ADGRB3: variants seen among roughly 807,000 people sequenced by gnomAD.
ADGRB3 encodes adhesion G protein-coupled receptor B3.
ADGRB3 carries 37 observed loss-of-function variants against 193.4 expected under a neutral mutation model. The observed-to-expected ratio is 0.19, with a 90% confidence interval of 0.15 to 0.25. The LOEUF (loss-of-function observed/expected upper bound fraction) is 0.25, where lower values mean the gene tolerates loss of function less well. Among genes scored for constraint, ADGRB3 ranks in the 10% least tolerant of loss-of-function variants. The pLI, the probability that ADGRB3 is intolerant of heterozygous loss-of-function variation, is 1.00. For missense variants in ADGRB3, 1,637 were observed against 1,852.9 expected (o/e 0.88, Z 2.14); for synonymous variants, 690 against 644.2 (o/e 1.07, Z -1.08).
intron 21 of ADGRB3, 45 bp from the exon 22 acceptor site, chr6:69,327,775 G>A: frequency 6.4e-7 from 1 of 1,557,682 alleles, no homozygotes; most frequent in Non-Finnish European, 8.8e-7. Context: ...AGTATGCATA[G>A]TGGTTATAGC....
chr6:69,016,287 AAT>A, intron 12 of ADGRB3, among the ~76,000 whole-genome samples: 1 of 151,964 alleles, frequency 6.6e-6, no homozygotes, highest in Non-Finnish European at 1.5e-5. Context: ...CAACCTAAAA[AAT>A]CTCTCCACCA....
intron 19 of ADGRB3, among the ~76,000 whole-genome samples, 174 bp downstream of exon 19, chr6:69,235,309 A>G (rs1766236177): frequency 6.6e-6 from 1 of 152,050 alleles, no homozygotes; most frequent in Non-Finnish European, 1.5e-5. Flanking sequence ...TGTTTACCTA[A>G]TTTTCCTGTA....
intron 17 of ADGRB3, among the ~76,000 whole-genome samples, chr6:69,124,256 ATTTG>A (rs1362662840): frequency 6.6e-6 from 1 of 152,052 alleles, no homozygotes; most frequent in Non-Finnish European, 1.5e-5. Flanking sequence ...AAATGCCATT[ATTTG>A]TTTATTTCTC....
At chr6:69,323,573 T>C (rs984306711) in intron 20 of ADGRB3, among the ~76,000 whole-genome samples, 1 of 152,008 alleles carries the variant, frequency 6.6e-6, no homozygotes, top group South Asian at 2.1e-4. Flanking sequence ...GAAACAAAGA[T>C]TCACATGCTG....
chr6:68,997,903 AT>A (rs1222965194), intron 11 of ADGRB3, among the ~76,000 whole-genome samples: 1 of 152,064 alleles, frequency 6.6e-6, no homozygotes, highest in East Asian at 1.9e-4. Flanking sequence ...AAAAACATTT[AT>A]TTTTTATATT....
At chr6:69,333,810 G>A (rs1768778558) in intron 24 of ADGRB3, among the ~76,000 whole-genome samples, 1 of 150,958 alleles carries the variant, frequency 6.6e-6, no homozygotes, top group Non-Finnish European at 1.5e-5. Flanking sequence ...GGCGCCTGTA[G>A]TCCCAGCTAC....
intron 14 of ADGRB3, 92 bp from the exon 15 acceptor site, chr6:69,049,179 A>G: frequency 1.1e-6 from 1 of 895,210 alleles, no homozygotes; most frequent in Non-Finnish European, 1.7e-6. Flanking sequence ...CTAAGGAAGT[A>G]CTGGAATTAT....
chr6:68,952,670 C>CA (rs538271998), intron 6 of ADGRB3, among the ~76,000 whole-genome samples: 2 of 151,442 alleles, frequency 1.3e-5, no homozygotes, highest in Admixed American at 6.6e-5. Context: ...AAAAAGCTTG[C>CA]AAAAAAAAGT....
chr6:69,094,235 CCTT>C (rs909373911), intron 17 of ADGRB3, among the ~76,000 whole-genome samples: 9 of 152,124 alleles, frequency 5.9e-5, no homozygotes, highest in African/African-American at 2.2e-4. Flanking sequence ...CTGTACAACA[CCTT>C]CTCCATGCAC....
chr6:69,163,028 TC>T (rs1259871156), intron 17 of ADGRB3, among the ~76,000 whole-genome samples: 2 of 152,054 alleles, frequency 1.3e-5, no homozygotes, highest in South Asian at 4.1e-4. Context: ...GGGATTCTGT[TC>T]CCTTGGCCTG....
At chr6:69,070,969 G>A (rs571141136) in intron 16 of ADGRB3, among the ~76,000 whole-genome samples, 14 of 152,146 alleles carry the variant, frequency 9.2e-5, no homozygotes, top group Non-Finnish European at 1.6e-4. Flanking sequence ...ATAGACAAAA[G>A]TACTATCCAC....
intron 19 of ADGRB3, among the ~76,000 whole-genome samples, chr6:69,236,601 A>G (rs1766273163): frequency 6.6e-6 from 1 of 152,040 alleles, no homozygotes; most frequent in Admixed American, 6.6e-5. Context: ...TGGTAATCAC[A>G]ATAGTAACAT....
chr6:69,097,449 G>C (rs190762027), intron 17 of ADGRB3, among the ~76,000 whole-genome samples: 1 of 152,212 alleles, frequency 6.6e-6, no homozygotes, highest in Admixed American at 6.5e-5. Flanking sequence ...CATTAAATAA[G>C]AAGGATTTTC....
intron 3 of ADGRB3, among the ~76,000 whole-genome samples, chr6:68,717,473 C>T (rs536778954): frequency 5.3e-5 from 8 of 151,682 alleles, no homozygotes; most frequent in African/African-American, 1.4e-4. Context: ...TATAGAAAGT[C>T]TTCCTAAATG....
intron 11 of ADGRB3, among the ~76,000 whole-genome samples, chr6:69,003,856 C>T (rs945306566): frequency 6.6e-6 from 1 of 151,872 alleles, no homozygotes; most frequent in Non-Finnish European, 1.5e-5. Flanking sequence ...TAGAAGAGCC[C>T]GGAGTATGCA....
chr6:68,749,207 T>C (rs9454613), intron 3 of ADGRB3, among the ~76,000 whole-genome samples: 1,819 of 152,312 alleles, frequency 0.012, 44 homozygotes, highest in African/African-American at 0.04. Flanking sequence ...TTGCTACTTA[T>C]GCAAATTTCT....
chr6:68,973,795 C>A (rs1768656637), intron 8 of ADGRB3, among the ~76,000 whole-genome samples: 1 of 152,120 alleles, frequency 6.6e-6, no homozygotes, highest in South Asian at 2.1e-4. Context: ...AAAAGCACAA[C>A]AGTGTGTGTG....
intron 8 of ADGRB3, among the ~76,000 whole-genome samples, chr6:68,968,234 G>A (rs1197915753): frequency 6.6e-6 from 1 of 152,082 alleles, no homozygotes; most frequent in Non-Finnish European, 1.5e-5. Context: ...CACCCTACTG[G>A]CTCACTAGTG....
chr6:68,912,218 G>A (rs996373870), intron 3 of ADGRB3, among the ~76,000 whole-genome samples: 1 of 151,800 alleles, frequency 6.6e-6, no homozygotes, highest in Non-Finnish European at 1.5e-5. Flanking sequence ...TTCAGTCTCA[G>A]TAATTTGTGG....
Sources: allele counts gnomAD v4.1 joint callset (sites outside exome capture counted in the v4.1 genomes callset), GRCh38; gene constraint gnomAD v4.1.1; transcripts MANE v1.5; gene names NCBI Gene and HGNC (gene_info 2026-07-23, HGNC 2026-07-21).